The following GRIP2 variants were observed in gnomAD, a reference collection of about 807,000 sequenced individuals.
GRIP2 encodes glutamate receptor interacting protein 2, also known as glutamate receptor-interacting protein 2.
In GRIP2, 58 loss-of-function variants were observed where a neutral mutation model predicts 108.3. That is an observed-to-expected ratio of 0.54 (90% CI 0.43 to 0.67). The LOEUF is 0.67. Among genes scored for constraint, GRIP2 ranks in the 30% least tolerant of loss-of-function variants. GRIP2 has a pLI of 0.00. For missense variants in GRIP2, 1,278 were observed against 1,430.6 expected (o/e 0.89, Z 1.72); for synonymous variants, 586 against 598.2 (o/e 0.98, Z 0.30).
chr3:14,528,825 G>C (rs1025544854), intron 1 of GRIP2, among the ~76,000 whole-genome samples: 1 of 152,130 alleles, frequency 6.6e-6, no homozygotes, highest in African/African-American at 2.4e-5. Context: ...TCTTCTTTGG[G>C]GAAGTGCCAA....
At position 14,521,656 on chromosome 3, in the gene GRIP2, T is replaced by C; in HGVS notation, c.698A>G (p.Asp233Gly). 6.2e-7 allele frequency: 1 copy of C among 1,610,688 alleles called. No homozygotes were observed. Among genetic ancestry groups the C allele is most frequent in the Non-Finnish European group, 8.5e-7 (1 of 1,178,298 alleles). ...CCCCAACTCACCAGGGGTGGCCACATCATACTCCACCTGAAAGAGTGCCTC... is the reference window on the plus strand; with the variant it reads ...CCCCAACTCACCAGGGGTGGCCACACCATACTCCACCTGAAAGAGTGCCTC... ...SHEALFQVEY[D>G]VATPDTVANA... Residue 233 changes from aspartate to glycine, a missense_variant, in exon 7 of 24, where the codon GAT becomes GGT. Coordinates refer to ENST00000621039, the MANE Select transcript of GRIP2 (RefSeq NM_001080423.4). This position sits in a 1 kb window ranked among gnomAD's most constrained non-coding sequence, Gnocchi z 5.1.
Position 14,535,702 on chromosome 3 carries a change from C to T in GRIP2, c.40+4567G>A, listed in dbSNP as rs568110287. Among the ~76,000 whole-genome samples, 6 of 152,322 alleles carry T rather than the reference C, an allele frequency of 3.9e-5. No individual in the cohort carries two copies. In the East Asian group the frequency reaches 1.2e-3, roughly 29 times the overall value. ...GGCACAGAGAGGTCAAGGGAACTGC[C>T]CAGGGGCACAGAGCTTCTAAGTGGC... On this transcript the variant is annotated intron_variant, in intron 1 of 23. Transcript: ENST00000621039.
chr3:14,534,284 T>C (rs1302165080), intron 1 of GRIP2, among the ~76,000 whole-genome samples: 4 of 152,166 alleles, frequency 2.6e-5, no homozygotes, highest in Non-Finnish European at 5.9e-5. Context: ...GTCTCTCCCA[T>C]GGCTGACTCC....
At chr3:14,533,891 C>G (rs1694769827) in intron 1 of GRIP2, among the ~76,000 whole-genome samples, 1 of 152,212 alleles carries the variant, frequency 6.6e-6, no homozygotes, top group Non-Finnish European at 1.5e-5. Flanking sequence ...AGAGACTTGA[C>G]TGCGTGCTGC....
At chr3:14,506,663 T>A in intron 19 of GRIP2, 138 bp downstream of exon 19, 1 of 803,628 alleles carries the variant, frequency 1.2e-6, no homozygotes, top group Non-Finnish European at 1.8e-6. Flanking sequence ...CAGGTCTTCC[T>A]TCAGGAAGGG....
Position 14,511,517 on chromosome 3 carries a change from C to A in GRIP2, c.1721-38G>T. On this transcript the variant is annotated intron_variant, in intron 14 of 23. Transcript: ENST00000621039. The surrounding 1 kb of genome is among the most constrained non-coding windows in gnomAD (Gnocchi z 4.1). Reference sequence around the variant, plus strand: ...AGGCCATGAATCTGACCTTGGTGGCCTCAGCCTGGGGTGGGGTGGCGAAGC... The same window carrying A: ...AGGCCATGAATCTGACCTTGGTGGCATCAGCCTGGGGTGGGGTGGCGAAGC... The A allele has an allele frequency of 6.2e-7, 1 of 1,607,478 alleles. No homozygotes were observed. The highest frequency in any genetic ancestry group is 8.5e-7 in the Non-Finnish European group (1 of 1,176,686).
At chr3:14,553,097 T>C (rs1464283960) in intron 1 of GRIP2, among the ~76,000 whole-genome samples, 3 of 127,750 alleles carry the variant, frequency 2.3e-5, no homozygotes, top group East Asian at 4.6e-4. Context: ...CCTCCAGGCA[T>C]TTTCTTTCCT....
Position 14,507,285 on chromosome 3 carries a change from T to C in GRIP2, c.2218+276A>G, listed in dbSNP as rs772725455. Among the ~76,000 whole-genome samples the C allele has an allele frequency of 3.9e-5, 6 of 152,198 alleles. No homozygotes were observed. Among genetic ancestry groups the C allele is most frequent in the Admixed American group, 6.5e-5 (1 of 15,282 alleles). ...GACGTATTCAGGGGCAGCTGAGGAA[T>C]GCATGAGTTATGGCCATGAAGCATA... On this transcript the variant is annotated intron_variant, in intron 18 of 23. Coordinates refer to ENST00000621039, the MANE Select transcript of GRIP2 (RefSeq NM_001080423.4). This position sits in a 1 kb window ranked among gnomAD's most constrained non-coding sequence, Gnocchi z 4.6.
chr3:14,578,061 G>A, the GRIP2 span, among the ~76,000 whole-genome samples: 1 of 152,238 alleles, frequency 6.6e-6, no homozygotes, highest in Non-Finnish European at 1.5e-5. Flanking sequence ...TTGAGCAGAG[G>A]CAGACTCTCG....
intron 1 of GRIP2, among the ~76,000 whole-genome samples, chr3:14,531,446 T>C (rs541550426): frequency 3.3e-5 from 5 of 152,334 alleles, no homozygotes; most frequent in Admixed American, 1.3e-4. Context: ...GCATCCCTCC[T>C]TTTGCACATG....
At chr3:14,540,699 C>CT (rs1170817319), upstream of GRIP2, among the ~76,000 whole-genome samples, 3,661 of 149,076 alleles carry the variant, frequency 0.025, 136 homozygotes, top group African/African-American at 0.084. This position sits in a 1 kb window ranked among gnomAD's most constrained non-coding sequence, Gnocchi z 4.1. Flanking sequence ...GCTTTCCAAA[C>CT]TTTTTTTTTT....
chr3:14,587,654 A>G, the GRIP2 span, among the ~76,000 whole-genome samples: 1 of 140,410 alleles, frequency 7.1e-6, no homozygotes, highest in South Asian at 2.3e-4. Context: ...AAAAAAAAAA[A>G]ACAAAACAAA....
At chr3:14,524,277 C>T (rs2124927398) in intron 4 of GRIP2, 116 bp downstream of exon 4, 10 of 1,240,236 alleles carry the variant, frequency 8.1e-6, no homozygotes, top group East Asian at 2.5e-5. Flanking sequence ...GGCCAGTCTC[C>T]AGGTTCTACC....
Position 14,514,471 on chromosome 3 carries a change from T to C in GRIP2, c.1314A>G (p.Leu438=), listed in dbSNP as rs1216990117. 1.9e-6 allele frequency: 3 copies of C among 1,570,216 alleles called. No homozygotes were observed. The African/African-American group carries it at 4.1e-5, about 21-fold the overall frequency. Residue 438 remains leucine (L), a synonymous_variant, in exon 12 of 24, where the codon CTA becomes CTG. Transcript: ENST00000621039. ...RRREHKSSLS[L]ASSTVGPGGQ... ...CGCCCGGCCCCACCGTGCTGGAGGC[T>C]AGCGACACTGTAGGACAGGTGGGCC...
At chr3:14,508,490 G>C (rs1253380610) in intron 17 of GRIP2, among the ~76,000 whole-genome samples, 2 of 152,210 alleles carry the variant, frequency 1.3e-5, no homozygotes, top group African/African-American at 4.8e-5. Context: ...ACTAGGGTCA[G>C]GGGTCTTTAA....
At chr3:14,530,701 T>G (rs1032731334) in intron 1 of GRIP2, among the ~76,000 whole-genome samples, 2 of 152,210 alleles carry the variant, frequency 1.3e-5, no homozygotes, top group African/African-American at 4.8e-5. Flanking sequence ...TCGTTTTATA[T>G]TCTGAGCTTA....
upstream of GRIP2, chr3:14,542,162 A>AT (rs532429606): frequency 0.012 from 11,817 of 951,404 alleles, 88 homozygotes; most frequent in East Asian, 0.032. Context: ...TATTTTTTTT[A>AT]TTTTTTTTTG....
chr3:14,536,115 A>T (rs1027118505), intron 1 of GRIP2, among the ~76,000 whole-genome samples: 2 of 152,260 alleles, frequency 1.3e-5, no homozygotes, highest in African/African-American at 4.8e-5. Context: ...ACATTTAAAA[A>T]TTTGAAGCCT....
chr3:14,595,487 C>T, the GRIP2 span, among the ~76,000 whole-genome samples: 7 of 152,314 alleles, frequency 4.6e-5, no homozygotes, highest in South Asian at 2.1e-4. Context: ...AAAAATTAGA[C>T]GCACACAGCA....
Sources: allele counts gnomAD v4.1 joint callset (sites outside exome capture counted in the v4.1 genomes callset), GRCh38; gene constraint gnomAD v4.1.1; non-coding constraint Gnocchi (gnomAD v3.1); transcripts MANE v1.5; gene names NCBI Gene and HGNC (gene_info 2026-07-23, HGNC 2026-07-21).